Variants in DLG2 observed in about 807,000 individuals in gnomAD.
DLG2 encodes disks large homolog 2.
In DLG2, 45 loss-of-function variants were observed where a neutral mutation model predicts 132.5. The ratio of observed to expected loss-of-function variants is 0.34; its 90% CI spans 0.27 to 0.44. DLG2 has a LOEUF of 0.44. Ranked by LOEUF, DLG2 falls within the 20% of genes least tolerant of loss-of-function variation. The probability of loss-of-function intolerance (pLI) is 1.00; values close to 1 mark genes in which losing one functional copy is unlikely to be tolerated. For missense variants in DLG2, 1,045 were observed against 1,196.9 expected (o/e 0.87, Z 1.87); for synonymous variants, 424 against 419.6 (o/e 1.01, Z -0.13).
At chr11:84,662,248 A>G (rs1479013355) in intron 6 of DLG2, among the ~76,000 whole-genome samples, 1 of 145,906 alleles carries the variant, frequency 6.9e-6, no homozygotes, top group Admixed American at 7.0e-5. Flanking sequence ...GCTGGAGTGC[A>G]ATGGTACAAT....
chr11:84,822,091 C>A (rs931265808), intron 6 of DLG2, among the ~76,000 whole-genome samples: 3 of 147,736 alleles, frequency 2.0e-5, no homozygotes, highest in African/African-American at 7.5e-5. Flanking sequence ...TAAATAATAT[C>A]CTTTGCCCTC....
chr11:84,213,391 G>A (rs2096783683), intron 8 of DLG2, among the ~76,000 whole-genome samples: 1 of 152,132 alleles, frequency 6.6e-6, no homozygotes, highest in Non-Finnish European at 1.5e-5. Flanking sequence ...AATGTCTATT[G>A]AATAAATTAA....
intron 4 of DLG2, among the ~76,000 whole-genome samples, chr11:85,207,102 G>C (rs2081950061): frequency 6.6e-6 from 1 of 152,112 alleles, no homozygotes; most frequent in South Asian, 2.1e-4. Context: ...ATAGTATATA[G>C]TAATTAAATT....
chr11:85,068,369 T>G (rs899852723), intron 6 of DLG2, among the ~76,000 whole-genome samples: 2 of 152,150 alleles, frequency 1.3e-5, no homozygotes, highest in African/African-American at 4.8e-5. Flanking sequence ...GTGTCCCTGT[T>G]TGCAGATGAC....
chr11:83,934,831 T>G (rs2081109412), intron 14 of DLG2, among the ~76,000 whole-genome samples: 1 of 152,144 alleles, frequency 6.6e-6, no homozygotes, highest in African/African-American at 2.4e-5. Context: ...CTTTCCTCAA[T>G]GCAAGAATGT....
intron 6 of DLG2, among the ~76,000 whole-genome samples, chr11:84,674,455 A>G (rs2099709215): frequency 6.6e-6 from 1 of 152,088 alleles, no homozygotes; most frequent in African/African-American, 2.4e-5. Context: ...TGGCTTCTAA[A>G]TTAGTGATCC....
chr11:85,431,623 G>A (rs994854375), intron 3 of DLG2, among the ~76,000 whole-genome samples: 3 of 152,178 alleles, frequency 2.0e-5, no homozygotes, highest in African/African-American at 4.8e-5. Context: ...CAGCTTCAGG[G>A]CCAACAACTC....
intron 7 of DLG2, among the ~76,000 whole-genome samples, chr11:84,255,245 C>T (rs1006765793): frequency 6.6e-6 from 1 of 152,194 alleles, no homozygotes; most frequent in African/African-American, 2.4e-5. Context: ...GTCCTAAAAA[C>T]CAACTATCCA....
At chr11:83,566,118 G>T (rs553675860) in intron 19 of DLG2, among the ~76,000 whole-genome samples, 1 of 152,122 alleles carries the variant, frequency 6.6e-6, no homozygotes, top group African/African-American at 2.4e-5. Flanking sequence ...CAGAAGAAGG[G>T]TACACAAGAA....
chr11:83,923,853 C>G (rs947465942), intron 15 of DLG2, among the ~76,000 whole-genome samples: 4 of 152,068 alleles, frequency 2.6e-5, no homozygotes, highest in African/African-American at 9.7e-5. Context: ...TGCAAAGCAG[C>G]TTGTGTCTTT....
intron 3 of DLG2, among the ~76,000 whole-genome samples, chr11:85,484,182 T>A (rs78707597): frequency 7.2e-6 from 1 of 139,138 alleles, no homozygotes; most frequent in African/African-American, 2.7e-5. Flanking sequence ...TTCAACCCGG[T>A]GGCGGATCTT....
intron 6 of DLG2, among the ~76,000 whole-genome samples, chr11:84,573,233 C>T (rs1343429114): frequency 2.0e-5 from 3 of 151,916 alleles, no homozygotes; most frequent in Non-Finnish European, 4.4e-5. Context: ...AAATTTTTTT[C>T]ATTTAATTTT....
intron 6 of DLG2, among the ~76,000 whole-genome samples, chr11:84,715,069 C>T (rs1380211404): frequency 6.6e-6 from 1 of 151,992 alleles, no homozygotes; most frequent in Admixed American, 6.6e-5. Flanking sequence ...GGTCCAAATA[C>T]TCACCAGAAA....
chr11:85,461,625 G>A (rs1405106291), intron 3 of DLG2, among the ~76,000 whole-genome samples: 1 of 152,164 alleles, frequency 6.6e-6, no homozygotes, highest in Non-Finnish European at 1.5e-5. Context: ...ACTTAGGCAT[G>A]GGGAATACTC....
chr11:84,099,149 G>C, intron 9 of DLG2, 102 bp from the exon 10 acceptor site: 3 of 1,069,512 alleles, frequency 2.8e-6, no homozygotes, highest in Non-Finnish European at 4.2e-6. Context: ...TGGAAATCAG[G>C]TGACAACAGT....
intron 17 of DLG2, among the ~76,000 whole-genome samples, chr11:83,812,104 GC>G (rs1565167124): frequency 6.6e-6 from 1 of 152,086 alleles, no homozygotes; most frequent in Non-Finnish European, 1.5e-5. Flanking sequence ...TGTCTACTGA[GC>G]TGGAAACACT....
At chr11:84,093,817 G>T (rs926463400) in intron 10 of DLG2, among the ~76,000 whole-genome samples, 3 of 151,812 alleles carry the variant, frequency 2.0e-5, no homozygotes, top group African/African-American at 7.3e-5. Flanking sequence ...GTTTTACCAT[G>T]TTGGCCAGGC....
intron 3 of DLG2, among the ~76,000 whole-genome samples, chr11:85,496,469 A>G (rs1234804300): frequency 6.6e-6 from 1 of 152,224 alleles, no homozygotes; most frequent in African/African-American, 2.4e-5. Context: ...CTGCCTCTCT[A>G]GATTCCACCT....
intron 11 of DLG2, among the ~76,000 whole-genome samples, chr11:84,042,272 T>C (rs1205630944): frequency 1.3e-5 from 2 of 151,906 alleles, no homozygotes; most frequent in African/African-American, 2.4e-5. Context: ...TTTCAGAATC[T>C]ATAGTCTTTA....
Sources: allele counts gnomAD v4.1 joint callset (sites outside exome capture counted in the v4.1 genomes callset), GRCh38; gene constraint gnomAD v4.1.1; transcripts MANE v1.5; gene names NCBI Gene and HGNC (gene_info 2026-07-23, HGNC 2026-07-21).